Variants in DDX10 observed in about 807,000 individuals in gnomAD.
The protein encoded by DDX10 is probable ATP-dependent RNA helicase DDX10.
DDX10 carries 74 observed loss-of-function variants against 104.3 expected under a neutral mutation model. That is an observed-to-expected ratio of 0.71 (90% CI 0.59 to 0.86). The LOEUF (loss-of-function observed/expected upper bound fraction) is 0.86, where lower values mean the gene tolerates loss of function less well. Ranked by LOEUF, DDX10 falls within the 40% of genes least tolerant of loss-of-function variation. The pLI is 0.00. For missense variants in DDX10, 952 were observed against 1,040.0 expected, an observed-to-expected ratio of 0.92 and a Z score of 1.16; for synonymous variants, 351 against 353.4, an observed-to-expected ratio of 0.99 and a Z score of 0.08.
At chr11:108,838,334 C>A in intron 13 of DDX10, 112 bp from the exon 14 acceptor site, 1 of 1,131,388 alleles carries the variant, frequency 8.8e-7, no homozygotes, top group Non-Finnish European at 1.2e-6. Flanking sequence ...TTCTCATTAG[C>A]CAATGAGTAA....
chr11:108,886,905 G>A (rs1288416508), intron 16 of DDX10, among the ~76,000 whole-genome samples: 1 of 152,140 alleles, frequency 6.6e-6, no homozygotes, highest in Non-Finnish European at 1.5e-5. Context: ...TGCTATTCTG[G>A]ACATTTGTAG....
intron 13 of DDX10, among the ~76,000 whole-genome samples, chr11:108,817,296 C>G (rs1205679257): frequency 6.6e-6 from 1 of 152,026 alleles, no homozygotes; most frequent in East Asian, 1.9e-4. Context: ...GCCTTCCACC[C>G]TGCTCACTCT....
chr11:108,827,566 A>C (rs920442496), intron 13 of DDX10, among the ~76,000 whole-genome samples: 1 of 152,230 alleles, frequency 6.6e-6, no homozygotes, highest in Non-Finnish European at 1.5e-5. Context: ...TTTTAGAAGA[A>C]AAATCCTACG....
intron 13 of DDX10, among the ~76,000 whole-genome samples, chr11:108,754,349 A>G (rs967968385): frequency 2.6e-5 from 4 of 152,102 alleles, no homozygotes; most frequent in African/African-American, 7.2e-5. Flanking sequence ...GTTTGAGGGC[A>G]GTGCTTAATT....
Position 108,728,170 on chromosome 11 carries a change from AAAC to A in DDX10, c.1965+4720_1965+4722del, listed in dbSNP as rs549003518. The stretch of plus-strand genomic sequence containing the variant: ...AAAAATTTAAATGCTCATTCTAAGA[AAAC>A]AACAACAACAAGCCCTTTTCCTAAC... On this transcript the variant is annotated intron_variant, in intron 13 of 17. Coordinates refer to ENST00000322536, the MANE Select transcript of DDX10 (RefSeq NM_004398.4). Among the ~76,000 whole-genome samples the A allele has an allele frequency of 1.1e-4, 16 of 152,280 alleles. No homozygotes were observed. The South Asian group carries it at 2.3e-3, about 22-fold the overall frequency.
intron 4 of DDX10, among the ~76,000 whole-genome samples, chr11:108,677,923 A>G (rs537722403): frequency 6.6e-6 from 1 of 152,148 alleles, no homozygotes; most frequent in East Asian, 1.9e-4. Flanking sequence ...TTTTCAGTTC[A>G]CAAAGTACAG....
At position 108,691,878 on chromosome 11, in the gene DDX10, C is replaced by G. The variant is rs1257811122; in HGVS notation, c.978C>G (p.Val326=). ...SIVFFSSCKE[V]QYLYRVFCRL... ...TTATTCTTCTGTTGATGCCCCAGGT[C>G]CAGTATCTGTACCGAGTGTTTTGCC... is the stretch of plus-strand genomic sequence containing the variant. The change falls in exon 8 of 18, where the codon GTC becomes GTG. Residue 326 remains valine, a splice_region_variant and synonymous_variant. Coordinates refer to ENST00000322536, the MANE Select transcript of DDX10 (RefSeq NM_004398.4). 4.3e-6 allele frequency: 7 copies of G among 1,612,272 alleles called. No individual in the cohort carries two copies. The highest frequency in any genetic ancestry group is 5.1e-6 in the Non-Finnish European group (6 of 1,179,436).
chr11:108,680,116 A>G (rs993396835), intron 6 of DDX10, among the ~76,000 whole-genome samples: 2 of 152,210 alleles, frequency 1.3e-5, no homozygotes, highest in East Asian at 1.9e-4. Context: ...TCTAGCAACT[A>G]TTGTTTTGTC....
At chr11:108,755,966 C>CTTCCCTCTTTCCCTCT (rs200458750) in intron 13 of DDX10, among the ~76,000 whole-genome samples, 13 of 151,286 alleles carry the variant, frequency 8.6e-5, no homozygotes, top group African/African-American at 3.2e-4. Context: ...CTTCCTCCCC[C>CTTCCCTCTTTCCCTCT]TTCCCTCTTT....
Position 108,679,387 on chromosome 11 carries a change from T to C in DDX10, c.675T>C (p.Asp225=). ...DLQMLVLDEA[D]RILDMGFADT... ...CTTTTTCAGTTCTTGATGAAGCAGATAGAATCTTGGATATGGGCTTTGCTG... is the reference window on the plus strand; with the variant it reads ...CTTTTTCAGTTCTTGATGAAGCAGACAGAATCTTGGATATGGGCTTTGCTG... The change falls in exon 6 of 18, where the codon GAT becomes GAC. Residue 225 remains aspartate, a synonymous_variant. Transcript: ENST00000322536. 1.3e-6 allele frequency: 2 copies of C among 1,597,584 alleles called. No homozygotes were observed. The highest frequency in any genetic ancestry group is 1.8e-5 in the Admixed American group (1 of 55,018).
intron 13 of DDX10, among the ~76,000 whole-genome samples, chr11:108,738,845 G>C (rs1686679725): frequency 6.6e-6 from 1 of 152,150 alleles, no homozygotes; most frequent in South Asian, 2.1e-4. Context: ...ACAGCAGGCA[G>C]TATGAGCTTG....
intron 17 of DDX10, among the ~76,000 whole-genome samples, chr11:108,926,275 G>A (rs540938060): frequency 1.3e-4 from 19 of 151,850 alleles, no homozygotes; most frequent in African/African-American, 4.3e-4. Flanking sequence ...TGGCATGGGT[G>A]TGCATGTAGC....
chr11:108,729,823 T>C (rs1180982033), intron 13 of DDX10: 2 of 152,174 alleles, frequency 1.3e-5, no homozygotes, highest in Non-Finnish European at 1.5e-5. Flanking sequence ...ACGTCGTTAA[T>C]GTACACCAGA....
intron 13 of DDX10, 89 bp downstream of exon 13, chr11:108,723,551 C>CTAAGAAACT: frequency 7.5e-7 from 1 of 1,333,242 alleles, no homozygotes; most frequent in Non-Finnish European, 1.0e-6. Flanking sequence ...AAAGTGAAAA[C>CTAAGAAACT]TAAGAAACTT....
chr11:108,865,323 T>C (rs1332448144), intron 16 of DDX10, among the ~76,000 whole-genome samples: 1 of 152,182 alleles, frequency 6.6e-6, no homozygotes, highest in African/African-American at 2.4e-5. Context: ...CTATATATCC[T>C]GTGGGGCCTC....
intron 13 of DDX10, among the ~76,000 whole-genome samples, chr11:108,777,903 GACAA>G (rs2094372261): frequency 2.0e-5 from 3 of 152,124 alleles, no homozygotes; most frequent in Non-Finnish European, 4.4e-5. Context: ...ACCAATAACA[GACAA>G]ACAGAGAGCC....
chr11:108,724,295 C>A (rs2094302488), intron 13 of DDX10, among the ~76,000 whole-genome samples: 1 of 151,304 alleles, frequency 6.6e-6, no homozygotes, highest in South Asian at 2.1e-4. Context: ...AAAAAAAAAA[C>A]CTAGAAAATG....
intron 16 of DDX10, among the ~76,000 whole-genome samples, chr11:108,916,897 G>T (rs1418480871): frequency 4.6e-5 from 7 of 151,974 alleles, no homozygotes; most frequent in Admixed American, 4.6e-4. Context: ...CTACCTGCTT[G>T]CATGAAACTG....
chr11:108,686,729 G>A (rs73001775), intron 6 of DDX10, among the ~76,000 whole-genome samples: 18,670 of 152,186 alleles, frequency 0.12, 1,562 homozygotes, highest in East Asian at 0.27. Context: ...TTGTGTGGAC[G>A]TATGTTTTCA....
Sources: allele counts gnomAD v4.1 joint callset (sites outside exome capture counted in the v4.1 genomes callset), GRCh38; gene constraint gnomAD v4.1.1; transcripts MANE v1.5; gene names NCBI Gene and HGNC (gene_info 2026-07-23, HGNC 2026-07-21).